Variants in TENT2 observed in about 807,000 individuals in gnomAD.
The protein encoded by TENT2 is poly(A) RNA polymerase GLD2.
A neutral mutation model predicts 72.2 loss-of-function variants in TENT2; 44 were observed. That is an observed-to-expected ratio of 0.61 (90% CI 0.48 to 0.78). The LOEUF (loss-of-function observed/expected upper bound fraction) is 0.78, where lower values mean the gene tolerates loss of function less well. Ranked by LOEUF, TENT2 falls within the 30% of genes least tolerant of loss-of-function variation. TENT2 has a pLI of 0.00. For synonymous variants in TENT2, 212 were observed against 192.5 expected (o/e 1.10, Z -0.84); for missense variants, 541 against 569.6 (o/e 0.95, Z 0.51).
At position 79,675,463 on chromosome 5, in the gene TENT2, A is replaced by G. The variant is rs79214472; in HGVS notation, c.1209-4116A>G. 8.5e-5 allele frequency among the ~76,000 whole-genome samples: 13 copies of G among 152,326 alleles called. No individual in the cohort carries two copies. In the East Asian group the frequency reaches 2.5e-3, roughly 29 times the overall value. On this transcript the variant is annotated intron_variant, in intron 12 of 14. Transcript: ENST00000453514. ...AAGTAAGACGAAAGTATGAATTGTCATATACTAGAGTAAAAGGGTGGATTA... is the reference window on the plus strand; with the variant it reads ...AAGTAAGACGAAAGTATGAATTGTCGTATACTAGAGTAAAAGGGTGGATTA...
chr5:79,614,661 G>A (rs1758123445), intron 1 of TENT2, among the ~76,000 whole-genome samples: 2 of 152,206 alleles, frequency 1.3e-5, no homozygotes, highest in South Asian at 2.1e-4. Context: ...GTGGAGTAAC[G>A]TTTTATATAG....
chr5:79,614,358 C>T (rs981583479), intron 1 of TENT2, among the ~76,000 whole-genome samples: 1 of 152,140 alleles, frequency 6.6e-6, no homozygotes, highest in African/African-American at 2.4e-5. Context: ...CCGCCTCGGC[C>T]TCCCAAAGTG....
At chr5:79,685,176 A>T (rs181629666) in intron 14 of TENT2, 23 bp from the exon 15 acceptor site, 14 of 1,565,394 alleles carry the variant, frequency 8.9e-6, no homozygotes, top group Non-Finnish European at 1.2e-5. Context: ...AGGTTTTAAG[A>T]ATGATTTTTC....
intron 4 of TENT2, among the ~76,000 whole-genome samples, chr5:79,630,740 T>C (rs940708280): frequency 2.6e-4 from 39 of 150,524 alleles, no homozygotes; most frequent in Admixed American, 2.5e-3. Flanking sequence ...GTAGGGGAGA[T>C]GGGAAGAGGG....
At position 79,686,666 on chromosome 5, in the gene TENT2, T is replaced by A. The variant is rs1484835282; in HGVS notation, c.*1393T>A. 6.6e-6 allele frequency: 1 copy of A among 152,166 alleles called. No individual in the cohort carries two copies. The highest frequency in any genetic ancestry group is 1.5e-5 in the Non-Finnish European group (1 of 68,002). 9.4% of individuals were successfully genotyped at this position (152,166 alleles called of 1,614,324 possible). On this transcript the variant is annotated 3_prime_UTR_variant, in exon 15 of 15. Transcript: ENST00000453514. ...ACATTGTTGAGGTGCCTTTTTTTTC[T>A]GTGAAAATCTTTGCTTTGAGATGAG...
chr5:79,626,927 C>T (rs914782666), intron 4 of TENT2, among the ~76,000 whole-genome samples: 3 of 151,666 alleles, frequency 2.0e-5, no homozygotes, highest in Admixed American at 6.6e-5. Flanking sequence ...GTCAGGAGTT[C>T]GAGACCAGCC....
At chr5:79,629,624 G>A (rs1384172140) in intron 4 of TENT2, among the ~76,000 whole-genome samples, 2 of 147,002 alleles carry the variant, frequency 1.4e-5, no homozygotes, top group African/African-American at 2.5e-5. Flanking sequence ...TCAGGAGATC[G>A]AGACCATCCT....
intron 12 of TENT2, 107 bp downstream of exon 12, chr5:79,669,135 G>A (rs1010065185): frequency 2.2e-6 from 3 of 1,334,684 alleles, no homozygotes; most frequent in African/African-American, 2.9e-5. Flanking sequence ...ATTTAGTCAG[G>A]AGCTGTGTTT....
intron 4 of TENT2, among the ~76,000 whole-genome samples, chr5:79,631,722 ATGTT>A (rs1775723688): frequency 6.6e-6 from 1 of 152,192 alleles, no homozygotes; most frequent in African/African-American, 2.4e-5. Context: ...TCACAAATAA[ATGTT>A]TGTGGGGAAG....
Position 79,649,046 on chromosome 5 carries a change from T to G in TENT2, c.899-16T>G. ...ATAACGTCTCTTACCATGTTAAGTT[T>G]TAATTTTACTTTCAGTTGAAAATCG... On this transcript the variant is annotated splice_polypyrimidine_tract_variant and intron_variant, in intron 9 of 14. Coordinates refer to ENST00000453514, the MANE Select transcript of TENT2 (RefSeq NM_001114394.3). The G allele has an allele frequency of 6.2e-7, 1 of 1,611,734 alleles. No individual in the cohort carries two copies. Among genetic ancestry groups the G allele is most frequent in the South Asian group, 1.1e-5 (1 of 90,946 alleles).
chr5:79,670,393 C>T (rs1297283687), intron 12 of TENT2, among the ~76,000 whole-genome samples: 2 of 151,578 alleles, frequency 1.3e-5, no homozygotes, highest in Admixed American at 6.6e-5. Context: ...GGCGTGATCT[C>T]GGCTCACTGC....
intron 11 of TENT2, among the ~76,000 whole-genome samples, chr5:79,662,612 G>A (rs961445352): frequency 3.3e-5 from 5 of 152,148 alleles, no homozygotes; most frequent in African/African-American, 1.2e-4. Context: ...TAGGTGCATT[G>A]TCAATGAGCA....
At chr5:79,658,660 A>T (rs1437551047) in intron 11 of TENT2, among the ~76,000 whole-genome samples, 1 of 152,242 alleles carries the variant, frequency 6.6e-6, no homozygotes, top group Non-Finnish European at 1.5e-5. Context: ...TAATAAACTT[A>T]TCCCAAAATA....
chr5:79,681,555 C>T (rs752878850), intron 13 of TENT2: 1 of 154,014 alleles, frequency 6.5e-6, no homozygotes, highest in Non-Finnish European at 1.4e-5. Context: ...CTTCAAAGGA[C>T]AAATCAGCTT....
chr5:79,659,554 A>AG (rs1491177633), intron 11 of TENT2, among the ~76,000 whole-genome samples: 13 of 47,276 alleles, frequency 2.7e-4, no homozygotes, highest in African/African-American at 8.3e-4. Flanking sequence ...AAAAAAAAAA[A>AG]TGTATATATA....
intron 10 of TENT2, among the ~76,000 whole-genome samples, chr5:79,652,031 TGA>T (rs1166787610): frequency 6.6e-6 from 1 of 152,144 alleles, no homozygotes; most frequent in Non-Finnish European, 1.5e-5. Flanking sequence ...ACAATCATGC[TGA>T]GAGTGTTGAT....
chr5:79,662,538 G>C (rs746054972), intron 11 of TENT2, among the ~76,000 whole-genome samples: 1 of 152,158 alleles, frequency 6.6e-6, no homozygotes, highest in Non-Finnish European at 1.5e-5. Flanking sequence ...TAGAATGGAT[G>C]TTGTGTTAGC....
intron 14 of TENT2, among the ~76,000 whole-genome samples, chr5:79,683,349 T>C (rs1334634390): frequency 6.7e-6 from 1 of 148,466 alleles, no homozygotes; most frequent in African/African-American, 2.5e-5. Flanking sequence ...ACACCCCACC[T>C]CACCTCACCC....
chr5:79,621,948 C>T (rs1382364145), intron 3 of TENT2, among the ~76,000 whole-genome samples: 3 of 152,044 alleles, frequency 2.0e-5, no homozygotes, highest in Non-Finnish European at 4.4e-5. Context: ...AGGGGTTCCA[C>T]TTATTTTGCA....
Sources: gnomAD v4.1 joint callset for allele counts (sites outside exome capture counted in the v4.1 genomes callset) on GRCh38, gnomAD v4.1.1 for gene constraint, MANE v1.5 for transcripts, NCBI Gene and HGNC (gene_info 2026-07-23, HGNC 2026-07-21) for gene names.